Variants in KIF21A observed in about 807,000 individuals in gnomAD.
KIF21A encodes the protein kinesin-like protein KIF21A.
KIF21A carries 114 observed loss-of-function variants against 202.9 expected under a neutral mutation model. That is an observed-to-expected ratio of 0.56 (90% CI 0.48 to 0.66). KIF21A has a LOEUF of 0.66. Ranked by LOEUF, KIF21A falls within the 30% of genes least tolerant of loss-of-function variation. The pLI, the probability that KIF21A is intolerant of heterozygous loss-of-function variation, is 0.00. For missense variants in KIF21A, 1,677 were observed against 1,994.9 expected (o/e 0.84, Z 3.04); for synonymous variants, 667 against 670.8 (o/e 0.99, Z 0.09).
chr12:39,303,855 G>A (rs1943204131), intron 35 of KIF21A, among the ~76,000 whole-genome samples: 2 of 152,110 alleles, frequency 1.3e-5, no homozygotes, highest in African/African-American at 2.4e-5. Context: ...GTGCTTTCCT[G>A]AAAAGGCTAG....
chr12:39,346,838 C>G (rs1182361564), intron 11 of KIF21A, among the ~76,000 whole-genome samples: 1 of 151,608 alleles, frequency 6.6e-6, no homozygotes, highest in Non-Finnish European at 1.5e-5. Context: ...TGAAGTGGGT[C>G]AATTTACTCA....
At chr12:39,354,609 T>C (rs904049967) in intron 10 of KIF21A, among the ~76,000 whole-genome samples, 1 of 152,090 alleles carries the variant, frequency 6.6e-6, no homozygotes. Context: ...TACAATAAAA[T>C]GATAAGATGA....
intron 27 of KIF21A, among the ~76,000 whole-genome samples, chr12:39,320,677 G>A (rs1411630591): frequency 6.6e-6 from 1 of 150,732 alleles, no homozygotes; most frequent in Non-Finnish European, 1.5e-5. Context: ...GCTCACACCT[G>A]TAATCCCAAC....
At chr12:39,324,009 C>T (rs564731988) in intron 26 of KIF21A, among the ~76,000 whole-genome samples, 1 of 151,886 alleles carries the variant, frequency 6.6e-6, no homozygotes, top group Admixed American at 6.6e-5. Context: ...ACTCAGGAGG[C>T]TGAGGCAGGA....
chr12:39,384,130 T>C (rs1259588582), intron 1 of KIF21A, among the ~76,000 whole-genome samples: 2 of 152,152 alleles, frequency 1.3e-5, no homozygotes, highest in African/African-American at 2.4e-5. Context: ...GACTCTTGAA[T>C]AGGTGGGATT....
intron 1 of KIF21A, among the ~76,000 whole-genome samples, chr12:39,391,588 A>C (rs1226852261): frequency 6.6e-6 from 1 of 152,196 alleles, no homozygotes. Flanking sequence ...AAAAAATAAA[A>C]ATATAAAAAA....
chr12:39,438,740 A>G (rs1939164788), intron 1 of KIF21A, among the ~76,000 whole-genome samples: 1 of 152,136 alleles, frequency 6.6e-6, no homozygotes, highest in Non-Finnish European at 1.5e-5. Context: ...TGTATCTCCC[A>G]TTTTCACCAA....
At chr12:39,296,025 T>TAAA (rs34017775) in intron 37 of KIF21A, among the ~76,000 whole-genome samples, 54 of 86,764 alleles carry the variant, frequency 6.2e-4, no homozygotes, top group African/African-American at 2.6e-3. Context: ...GTTTGTTTGT[T>TAAA]AAAAAAAAAA....
chr12:39,364,171 T>A (rs1310090762), intron 6 of KIF21A, among the ~76,000 whole-genome samples: 1 of 152,214 alleles, frequency 6.6e-6, no homozygotes, highest in Non-Finnish European at 1.5e-5. Flanking sequence ...TCCAAAATGT[T>A]GTTCACACTG....
chr12:39,357,881 C>T (rs568052046), intron 8 of KIF21A, among the ~76,000 whole-genome samples: 81 of 114,632 alleles, frequency 7.1e-4, no homozygotes, highest in Non-Finnish European at 8.7e-4. Context: ...TGCACTCCAG[C>T]GTGGGTGATA....
At chr12:39,380,454 A>C (rs12099493) in intron 1 of KIF21A, among the ~76,000 whole-genome samples, 28 of 152,378 alleles carry the variant, frequency 1.8e-4, no homozygotes, top group African/African-American at 6.7e-4. Flanking sequence ...AATATGTAAC[A>C]AATGATAATA....
intron 26 of KIF21A, 123 bp from the exon 27 acceptor site, chr12:39,323,005 G>GGGAA: frequency 1.4e-6 from 1 of 692,874 alleles, no homozygotes. Flanking sequence ...TCCTAGGTGT[G>GGGAA]CCAAACATAG....
intron 1 of KIF21A, among the ~76,000 whole-genome samples, chr12:39,405,287 G>A (rs969709483): frequency 7.2e-5 from 11 of 152,176 alleles, no homozygotes; most frequent in Non-Finnish European, 1.2e-4. Context: ...GGGAGGCAGA[G>A]GTAGCAGTGA....
chr12:39,406,266 A>G (rs1364918226), intron 1 of KIF21A, among the ~76,000 whole-genome samples: 1 of 152,216 alleles, frequency 6.6e-6, no homozygotes, highest in Non-Finnish European at 1.5e-5. Flanking sequence ...CAAGGTCATT[A>G]CAGTGTGATT....
intron 1 of KIF21A, among the ~76,000 whole-genome samples, chr12:39,406,376 C>G (rs1389312273): frequency 1.3e-5 from 2 of 152,112 alleles, no homozygotes; most frequent in Non-Finnish European, 2.9e-5. Context: ...GTAGAATCAA[C>G]AGACAGGAAA....
intron 10 of KIF21A, among the ~76,000 whole-genome samples, chr12:39,355,060 T>TC (rs2138770800): frequency 6.6e-6 from 1 of 152,238 alleles, no homozygotes; most frequent in Admixed American, 6.5e-5. Flanking sequence ...AGAAGGCTAC[T>TC]CCCCAGGGGT....
At chr12:39,437,871 T>C (rs992664943) in intron 1 of KIF21A, among the ~76,000 whole-genome samples, 1 of 152,200 alleles carries the variant, frequency 6.6e-6, no homozygotes, top group African/African-American at 2.4e-5. Flanking sequence ...AAAATAAATG[T>C]TTCTCAGAGG....
chr12:39,413,469 G>A (rs1566242983), intron 1 of KIF21A, among the ~76,000 whole-genome samples: 2 of 152,170 alleles, frequency 1.3e-5, no homozygotes, highest in Non-Finnish European at 2.9e-5. Context: ...AAGAAAGTGT[G>A]TCAGATAGAT....
At chr12:39,295,587 T>A (rs1468229480) in intron 37 of KIF21A, among the ~76,000 whole-genome samples, 1 of 151,900 alleles carries the variant, frequency 6.6e-6, no homozygotes, top group Non-Finnish European at 1.5e-5. Context: ...AGCAATGGAA[T>A]ATTTTCATTT....
Sources: gnomAD v4.1 joint callset for allele counts (sites outside exome capture counted in the v4.1 genomes callset) on GRCh38, gnomAD v4.1.1 for gene constraint, MANE v1.5 for transcripts, NCBI Gene and HGNC (gene_info 2026-07-23, HGNC 2026-07-21) for gene names.